KDM1B: variants seen among roughly 807,000 people sequenced by gnomAD.
KDM1B encodes lysine-specific histone demethylase 2.
Under a neutral mutation model 107.4 loss-of-function variants are expected in KDM1B, and 63 were observed. The observed-to-expected ratio is 0.59, with a 90% CI of 0.48 to 0.72. The LOEUF is 0.72. Ranked by LOEUF, KDM1B falls within the 30% of genes least tolerant of loss-of-function variation. The probability of loss-of-function intolerance (pLI) is 0.00; values close to 1 mark genes in which losing one functional copy is unlikely to be tolerated. For missense variants in KDM1B, 749 were observed against 1,020.8 expected (o/e 0.73, Z 3.63); for synonymous variants, 363 against 363.9 (o/e 1.00, Z 0.03).
At chr6:18,160,166 A>G (rs1159808889) in intron 3 of KDM1B, among the ~76,000 whole-genome samples, 184 bp downstream of exon 3, 3 of 152,248 alleles carry the variant, frequency 2.0e-5, no homozygotes, top group Non-Finnish European at 4.4e-5. Context: ...TAGAAGCATT[A>G]TCTGGCAGAG....
chr6:18,215,766 T>TAA, intron 20 of KDM1B, among the ~76,000 whole-genome samples: 1 of 150,496 alleles, frequency 6.6e-6, no homozygotes, highest in Middle Eastern at 3.5e-3. Context: ...TGTAAGGATA[T>TAA]AAAAGGCTCG....
At position 18,214,935 on chromosome 6, in the gene KDM1B, C is replaced by A. The variant is rs12206404; in HGVS notation, c.2110-72C>A. The stretch of plus-strand genomic sequence containing the variant: ...ATTTAAAACAAAACAAAACAAAAAA[C>A]AAAAAAAAGAGGCCCTTATCTGTGG... On this transcript the variant is annotated intron_variant, in intron 19 of 21. Transcript: ENST00000650836. This position sits in a 1 kb window ranked among gnomAD's most constrained non-coding sequence, Gnocchi z 4.4. 43 of 1,475,838 alleles carry A rather than the reference C, an allele frequency of 2.9e-5. No homozygotes were observed. Among genetic ancestry groups the A allele is most frequent in the Non-Finnish European group, 3.7e-5 (41 of 1,096,910 alleles). 91.4% of individuals were successfully genotyped at this position (1,475,838 alleles called of 1,614,324 possible). A position where few individuals can be genotyped will look rare whatever the true frequency, so the allele number is the denominator to read the frequency against.
At chr6:18,175,201 C>T (rs1469755091) in intron 7 of KDM1B, among the ~76,000 whole-genome samples, 1 of 152,192 alleles carries the variant, frequency 6.6e-6, no homozygotes, top group Non-Finnish European at 1.5e-5. Context: ...AAGGTGGTAT[C>T]ACATTGTGGT....
chr6:18,215,741 C>CTTTT (rs779967439), intron 20 of KDM1B, among the ~76,000 whole-genome samples: 1 of 140,704 alleles, frequency 7.1e-6, no homozygotes, highest in Admixed American at 7.1e-5. Flanking sequence ...ACACACTTCC[C>CTTTT]TTTTTTTTTT....
chr6:18,185,931 T>G, intron 8 of KDM1B, 121 bp downstream of exon 8: 1 of 890,958 alleles, frequency 1.1e-6, no homozygotes, highest in Non-Finnish European at 1.9e-6. Flanking sequence ...CAGTGACTTT[T>G]TAATCTAACA....
Position 18,205,028 on chromosome 6 carries a change from G to T in KDM1B, c.1532-509G>T, listed in dbSNP as rs1788280608. 6.6e-6 allele frequency among the ~76,000 whole-genome samples: 1 copy of T among 152,230 alleles called. No individual in the cohort carries two copies. The highest frequency in any genetic ancestry group is 1.9e-4 in the East Asian group (1 of 5,196). ...AGATATGGAGGCGGAGTGCTGACAA[G>T]ATACAAGCCCATAATGGAATATTCT... On this transcript the variant is annotated intron_variant, in intron 14 of 21. Coordinates refer to ENST00000650836, the MANE Select transcript of KDM1B (RefSeq NM_001364614.2). This position sits in a 1 kb window ranked among gnomAD's most constrained non-coding sequence, Gnocchi z 5.7.
At chr6:18,221,713 A>G (rs1415015204) in intron 21 of KDM1B, among the ~76,000 whole-genome samples, 196 bp from the exon 22 acceptor site, 1 of 152,246 alleles carries the variant, frequency 6.6e-6, no homozygotes, top group African/African-American at 2.4e-5. Flanking sequence ...TCAAGATAGC[A>G]TACAATGAGT....
At chr6:18,215,284 C>G (rs1307173167) in intron 20 of KDM1B, among the ~76,000 whole-genome samples, 155 bp downstream of exon 20, 1 of 152,242 alleles carries the variant, frequency 6.6e-6, no homozygotes, top group East Asian at 1.9e-4. Flanking sequence ...CACCTCAGCA[C>G]TGAGATTAGT....
In KDM1B at chr6:18,162,376, A is replaced by G. The variant is rs945089451; in HGVS notation, c.216-459A>G. ...ACAAAGACGTGGTGATCGTGTTCATAGTGGCATGATTTTTCATTCTCTTGC... is the reference window on the plus strand; with the variant it reads ...ACAAAGACGTGGTGATCGTGTTCATGGTGGCATGATTTTTCATTCTCTTGC... On this transcript the variant is annotated intron_variant, in intron 4 of 21. Coordinates refer to ENST00000650836, the MANE Select transcript of KDM1B (RefSeq NM_001364614.2). The surrounding 1 kb of genome is among the most constrained non-coding windows in gnomAD (Gnocchi z 4.1). 6.6e-6 allele frequency among the ~76,000 whole-genome samples: 1 copy of G among 152,196 alleles called. No individual in the cohort carries two copies. Among genetic ancestry groups the G allele is most frequent in the Non-Finnish European group, 1.5e-5 (1 of 68,032 alleles).
chr6:18,220,632 TA>T (rs1789621905), intron 21 of KDM1B, among the ~76,000 whole-genome samples: 1 of 152,212 alleles, frequency 6.6e-6, no homozygotes, highest in African/African-American at 2.4e-5. Flanking sequence ...GGCAAGGGGA[TA>T]AAGGCTGCAT....
intron 7 of KDM1B, 40 bp downstream of exon 7, chr6:18,171,519 A>G: frequency 9.8e-7 from 1 of 1,016,804 alleles, no homozygotes; most frequent in Non-Finnish European, 1.6e-6. Context: ...TGATATATTA[A>G]TGTAGTCAGT....
rs546092600 is a variant in KDM1B, at chr6:18,222,526, G to T, written c.*534G>T. The T allele has an allele frequency of 5.4e-6, 1 of 183,810 alleles. No individual in the cohort carries two copies. The highest frequency in any genetic ancestry group is 5.7e-5 in the Admixed American group (1 of 17,550). The allele number at this position is 183,810 out of a possible 1,614,324, so 11.4% of individuals were successfully genotyped here. A position where few individuals can be genotyped will look rare whatever the true frequency, so the allele number is the denominator to read the frequency against. ...TTTGGATACAGCACAAACTCCAGTT[G>T]ACAGTAAAATGAAGCTTCTAGGTAT... On this transcript the variant is annotated 3_prime_UTR_variant, in exon 22 of 22. Transcript: ENST00000650836.
At chr6:18,184,535 A>G (rs1474897668) in intron 7 of KDM1B, among the ~76,000 whole-genome samples, 1 of 151,774 alleles carries the variant, frequency 6.6e-6, no homozygotes, top group Non-Finnish European at 1.5e-5. Context: ...TCAGCCTCCC[A>G]AAGTGCTGGG....
rs1162044081 is a variant in KDM1B at position 18,173,006 on chromosome 6, C to G, written c.534+1527C>G. Among the ~76,000 whole-genome samples, 5 of 151,330 alleles carry G rather than the reference C, an allele frequency of 3.3e-5. No homozygotes were observed. The East Asian group carries it at 9.8e-4, about 30-fold the overall frequency. ...TCGGGAGGCTAAGGTAGGAGAATCA[C>G]TTGAACCCGGGAGGTGGAGGTTGCA... On this transcript the variant is annotated intron_variant, in intron 7 of 21. Transcript: ENST00000650836.
chr6:18,210,244 C>T (rs1162157263), intron 17 of KDM1B, among the ~76,000 whole-genome samples: 1 of 151,794 alleles, frequency 6.6e-6, no homozygotes, highest in African/African-American at 2.4e-5. Flanking sequence ...TAGGCTGCTT[C>T]CATTGACATC....
chr6:18,165,411 T>C (rs371179991), intron 5 of KDM1B, among the ~76,000 whole-genome samples: 1 of 152,222 alleles, frequency 6.6e-6, no homozygotes, highest in South Asian at 2.1e-4. Context: ...ATTACAGGCG[T>C]GAGCCACCGT....
rs1788631467 is a variant in KDM1B at position 18,209,103 on chromosome 6, A to G, written c.1866+897A>G. Reference sequence around the variant, plus strand: ...TTCATCTTGAAATCTTGAAACTATCAGAAGTACTTTCATATGGCTTAAATT... The same window carrying G: ...TTCATCTTGAAATCTTGAAACTATCGGAAGTACTTTCATATGGCTTAAATT... On this transcript the variant is annotated intron_variant, in intron 17 of 21. Transcript: ENST00000650836. The surrounding 1 kb of genome is among the most constrained non-coding windows in gnomAD (Gnocchi z 4.3). Among the ~76,000 whole-genome samples, 1 of 152,210 alleles carries G rather than the reference A, an allele frequency of 6.6e-6. No individual in the cohort carries two copies. Among genetic ancestry groups the G allele is most frequent in the Admixed American group, 6.5e-5 (1 of 15,274 alleles).
chr6:18,212,083 C>A lies in KDM1B; in HGVS notation c.1867-405C>A. The A allele has an allele frequency of 5.4e-6, 1 of 184,206 alleles. No individual in the cohort carries two copies. Among genetic ancestry groups the A allele is most frequent in the South Asian group, 1.1e-4 (1 of 8,830 alleles). 11.4% of individuals were successfully genotyped at this position (184,206 alleles called of 1,614,324 possible). On this transcript the variant is annotated intron_variant, in intron 17 of 21. Transcript: ENST00000650836. The surrounding 1 kb of genome is among the most constrained non-coding windows in gnomAD (Gnocchi z 5.2). The stretch of plus-strand genomic sequence containing the variant: ...GCCTCAGCTTCCCAAGTATCTGGCA[C>A]TACAGGCACCTGCCACCACACCTGG...
At chr6:18,221,596 T>G (rs2151064264) in intron 21 of KDM1B, among the ~76,000 whole-genome samples, 1 of 152,348 alleles carries the variant, frequency 6.6e-6, no homozygotes, top group South Asian at 2.1e-4. Flanking sequence ...CGCCTGTGAT[T>G]GTACCAGCTA....
Sources: gnomAD v4.1 joint callset for allele counts (sites outside exome capture counted in the v4.1 genomes callset) on GRCh38, gnomAD v4.1.1 for gene constraint, Gnocchi (gnomAD v3.1) non-coding constraint, MANE v1.5 for transcripts, NCBI Gene and HGNC (gene_info 2026-07-23, HGNC 2026-07-21) for gene names.